The following CABLES1 variants were observed in gnomAD, a reference collection of about 807,000 sequenced individuals.
CABLES1 encodes the protein Cdk5 and Abl enzyme substrate 1.
CABLES1 carries 36 observed loss-of-function variants against 57.8 expected under a neutral mutation model. That is an observed-to-expected ratio of 0.62 (90% CI 0.48 to 0.82). The LOEUF is 0.82. Among genes scored for constraint, CABLES1 ranks in the 40% least tolerant of loss-of-function variants. The pLI, the probability that CABLES1 is intolerant of heterozygous loss-of-function variation, is 0.00. For missense variants in CABLES1, 767 were observed against 836.6 expected (o/e 0.92, Z 1.03); for synonymous variants, 374 against 363.0 (o/e 1.03, Z -0.35).
chr18:23,158,516 C>T (rs2046980536), intron 1 of CABLES1, among the ~76,000 whole-genome samples: 1 of 152,170 alleles, frequency 6.6e-6, no homozygotes, highest in African/African-American at 2.4e-5. Flanking sequence ...GTACGGTTGT[C>T]ATTGCATCGT....
chr18:23,165,646 A>G (rs2047037101), intron 1 of CABLES1, among the ~76,000 whole-genome samples: 1 of 151,982 alleles, frequency 6.6e-6, no homozygotes, highest in African/African-American at 2.4e-5. Context: ...GGCTTATTTC[A>G]CTTAGCATAA....
At chr18:23,160,186 C>T (rs1377929304) in intron 1 of CABLES1, among the ~76,000 whole-genome samples, 3 of 151,692 alleles carry the variant, frequency 2.0e-5, no homozygotes, top group Non-Finnish European at 4.4e-5. Flanking sequence ...TACAGGCGCC[C>T]GCCACCACAC....
intron 4 of CABLES1, among the ~76,000 whole-genome samples, chr18:23,219,445 G>A (rs1163378547): frequency 6.6e-6 from 1 of 152,230 alleles, no homozygotes; most frequent in African/African-American, 2.4e-5. Context: ...AGAGACATGA[G>A]AAAGGATATT....
rs745630739 is a variant in CABLES1, at chr18:23,136,546, T to C, written c.784T>C (p.Ser262Pro). The C allele has an allele frequency of 2.6e-6, 4 of 1,566,850 alleles. 1 individual carries two copies. In the South Asian group the frequency reaches 3.4e-5, roughly 13 times the overall value. ...CAGGCCGACTTCGCAGAACTACTGC[T>C]CCCTGGAGCAGCCAGGCCAGGGCGG... ...FSRPTSQNYCSLEQPGQGGST... is the reference protein window; with the variant it reads ...FSRPTSQNYCPLEQPGQGGST... Residue 262 changes from serine to proline, a missense_variant, in exon 1 of 10, where the codon TCC (serine) becomes CCC (proline). By Grantham distance (74) the Ser-to-Pro change is moderately conservative. This residue lies in a region of CABLES1 where 529 missense variants were observed against 622.8 expected (regional missense o/e 0.85). Transcript: ENST00000256925.
At chr18:23,176,651 G>A (rs1303202875) in intron 1 of CABLES1, among the ~76,000 whole-genome samples, 3 of 152,138 alleles carry the variant, frequency 2.0e-5, no homozygotes, top group African/African-American at 4.8e-5. Flanking sequence ...GAGGTAATTC[G>A]GATAGACAAG....
chr18:23,242,192 C>T (rs1385693227), intron 7 of CABLES1, among the ~76,000 whole-genome samples: 1 of 152,136 alleles, frequency 6.6e-6, no homozygotes, highest in Non-Finnish European at 1.5e-5. Context: ...GCAGGAGAAT[C>T]GCTTGAACCC....
chr18:23,244,726 C>T (rs1445091937), intron 7 of CABLES1, among the ~76,000 whole-genome samples: 1 of 152,198 alleles, frequency 6.6e-6, no homozygotes, highest in African/African-American at 2.4e-5. Flanking sequence ...TGCCTTGTAT[C>T]CTTCCTTCCT....
intron 1 of CABLES1, chr18:23,155,940 C>T: frequency 1.2e-6 from 2 of 1,614,186 alleles, no homozygotes; most frequent in Non-Finnish European, 1.7e-6. Context: ...AGAATATATG[C>T]TGATTTTCCC....
chr18:23,238,985 G>A (rs374572544), intron 7 of CABLES1, among the ~76,000 whole-genome samples: 3 of 152,218 alleles, frequency 2.0e-5, no homozygotes, highest in South Asian at 2.1e-4. Flanking sequence ...ATGTTGGCGG[G>A]AGCTGTCCTA....
At chr18:23,179,531 T>C (rs995843670) in intron 1 of CABLES1, among the ~76,000 whole-genome samples, 1 of 152,186 alleles carries the variant, frequency 6.6e-6, no homozygotes, top group East Asian at 1.9e-4. Flanking sequence ...CTCAGAGGTA[T>C]GGATGGCATC....
chr18:23,177,988 G>T (rs575697478), intron 1 of CABLES1, among the ~76,000 whole-genome samples: 1 of 152,264 alleles, frequency 6.6e-6, no homozygotes, highest in African/African-American at 2.4e-5. Flanking sequence ...TAAGTTGGCC[G>T]CAAACTCCTT....
intron 1 of CABLES1, among the ~76,000 whole-genome samples, chr18:23,186,485 G>A (rs887516210): frequency 6.6e-6 from 1 of 151,074 alleles, no homozygotes; most frequent in Non-Finnish European, 1.5e-5. Context: ...GAGTGCAGTG[G>A]CTTGATCTCG....
chr18:23,235,700 T>C (rs1315187206), intron 5 of CABLES1, among the ~76,000 whole-genome samples, 195 bp from the exon 6 acceptor site: 1 of 152,216 alleles, frequency 6.6e-6, no homozygotes, highest in Non-Finnish European at 1.5e-5. Flanking sequence ...CTCTGTAGCC[T>C]TATGTCAGTT....
chr18:23,185,419 C>T (rs1179855906), intron 1 of CABLES1, among the ~76,000 whole-genome samples: 2 of 152,172 alleles, frequency 1.3e-5, no homozygotes, highest in Non-Finnish European at 2.9e-5. Flanking sequence ...CCACGTGACT[C>T]TCAGCCCCTG....
intron 7 of CABLES1, among the ~76,000 whole-genome samples, chr18:23,239,200 C>G (rs2047676121): frequency 6.6e-6 from 1 of 152,252 alleles, no homozygotes; most frequent in Admixed American, 6.5e-5. Context: ...TGCTAGAAGA[C>G]TTGCCAAGTC....
At chr18:23,150,207 G>GTTTTTTTGTT (rs1555658965) in intron 1 of CABLES1, among the ~76,000 whole-genome samples, 8 of 106,662 alleles carry the variant, frequency 7.5e-5, no homozygotes, top group African/African-American at 3.3e-4. Flanking sequence ...GTTGGTGTTT[G>GTTTTTTTGTT]TTTTTTTTTT....
chr18:23,185,019 C>T (rs1432618329), intron 1 of CABLES1, among the ~76,000 whole-genome samples: 2 of 152,246 alleles, frequency 1.3e-5, no homozygotes, highest in East Asian at 3.9e-4. Context: ...GATGTTTAAT[C>T]TGTAATAATG....
chr18:23,221,921 G>T (rs1280247614), intron 4 of CABLES1, among the ~76,000 whole-genome samples: 1 of 152,180 alleles, frequency 6.6e-6, no homozygotes, highest in East Asian at 1.9e-4. Flanking sequence ...TGGCCGAGGA[G>T]GGAGCCCTCA....
intron 1 of CABLES1, among the ~76,000 whole-genome samples, chr18:23,161,650 C>T (rs1214857469): frequency 6.6e-6 from 1 of 150,920 alleles, no homozygotes; most frequent in Non-Finnish European, 1.5e-5. Context: ...GTGGCTCATG[C>T]CCGTAATCCC....
Sources: gnomAD v4.1 joint callset for allele counts (sites outside exome capture counted in the v4.1 genomes callset) on GRCh38, gnomAD v4.1.1 for gene constraint, gnomAD v4.1.1 regional missense constraint, MANE v1.5 for transcripts, NCBI Gene and HGNC (gene_info 2026-07-23, HGNC 2026-07-21) for gene names.